CACUL1: variants seen among roughly 807,000 people sequenced by gnomAD.
CACUL1 encodes the protein CDK2 associated cullin domain 1.
CACUL1 carries 13 observed loss-of-function variants against 45.2 expected under a neutral mutation model. The ratio of observed to expected loss-of-function variants is 0.29; its 90% CI spans 0.19 to 0.46. The LOEUF is 0.46. Ranked by LOEUF, CACUL1 falls within the 20% of genes least tolerant of loss-of-function variation. CACUL1 has a pLI of 1.00. For missense variants in CACUL1, 421 were observed against 471.4 expected (o/e 0.89, Z 0.99); for synonymous variants, 197 against 174.2 (o/e 1.13, Z -1.03).
chr10:118,713,293 A>T lies in CACUL1; in HGVS notation c.598-5706T>A, dbSNP rs1006090860. Among the ~76,000 whole-genome samples the T allele has an allele frequency of 8.5e-5, 13 of 152,258 alleles. No homozygotes were observed. The South Asian group carries it at 1.9e-3, about 22-fold the overall frequency. ...AGTAACAGACACTTCTGAGCCTTCG[A>T]GGGCAGGGGGTCCTTCCTGGGCCCC... On this transcript the variant is annotated intron_variant, in intron 3 of 8. Coordinates refer to ENST00000369151, the MANE Select transcript of CACUL1 (RefSeq NM_153810.5).
Position 118,754,640 on chromosome 10 carries a change from G to A in CACUL1, c.123C>T (p.Pro41=). 1.9e-6 allele frequency: 3 copies of A among 1,606,274 alleles called. No homozygotes were observed. The highest frequency in any genetic ancestry group is 2.5e-6 in the Non-Finnish European group (3 of 1,177,140). Residue 41 remains proline (P), a synonymous_variant, in exon 1 of 9, where the codon CCC becomes CCT. Coordinates refer to ENST00000369151, the MANE Select transcript of CACUL1 (RefSeq NM_153810.5). Reference sequence around the variant, plus strand: ...GGGCAGGGGCCGGGATCGACGAGGGGGGCGGCGGAGGTGGCAGGGGCTGCC... The same window carrying A: ...GGGCAGGGGCCGGGATCGACGAGGGAGGCGGCGGAGGTGGCAGGGGCTGCC... ...GFRQPLPPPP[P]PSSIPAPARE...
intron 4 of CACUL1, among the ~76,000 whole-genome samples, chr10:118,704,307 T>A (rs1845413023): frequency 6.6e-6 from 1 of 152,178 alleles, no homozygotes; most frequent in South Asian, 2.1e-4. Flanking sequence ...AACTTCTACA[T>A]TTACTTCAGC....
chr10:118,734,599 A>G (rs1845724270), intron 1 of CACUL1, among the ~76,000 whole-genome samples: 1 of 152,264 alleles, frequency 6.6e-6, no homozygotes, highest in African/African-American at 2.4e-5. Flanking sequence ...AATAACATAC[A>G]TAAGTAAAGC....
rs1589597845 is a variant in CACUL1, at chr10:118,679,421, A to T, written c.*6707T>A. 6.6e-6 allele frequency: 1 copy of T among 151,790 alleles called. No homozygotes were observed. The highest frequency in any genetic ancestry group is 2.4e-5 in the African/African-American group (1 of 41,250). 9.4% of individuals were successfully genotyped at this position (151,790 alleles called of 1,614,324 possible). On this transcript the variant is annotated 3_prime_UTR_variant, in exon 9 of 9. Transcript: ENST00000369151. ...TGTAGAGACAGGGTTTCACCATGTT[A>T]GCCAGGCTGGTCTCGAGCTCCTGGC... is the stretch of plus-strand genomic sequence containing the variant.
In CACUL1 at chr10:118,726,614, G is replaced by A. The variant is rs150383385; in HGVS notation, c.597+2681C>T. 2.1e-3 allele frequency among the ~76,000 whole-genome samples: 312 copies of A among 152,150 alleles called. 3 individuals carry two copies. The highest frequency in any genetic ancestry group is 6.6e-4 in the Non-Finnish European group (45 of 67,996). On this transcript the variant is annotated intron_variant, in intron 3 of 8. Transcript: ENST00000369151. The stretch of plus-strand genomic sequence containing the variant: ...AGTTCCAGGAAGGCTTTACACAGAT[G>A]GACACAAATGAGCTTAAGCCTAAGA...
intron 3 of CACUL1, among the ~76,000 whole-genome samples, chr10:118,717,497 G>A (rs1303325695): frequency 6.6e-6 from 1 of 152,098 alleles, no homozygotes; most frequent in Non-Finnish European, 1.5e-5. Flanking sequence ...GTAAGAAAAA[G>A]CTGGTTAACC....
At chr10:118,688,359 GAAAC>G (rs764213630) in intron 7 of CACUL1, among the ~76,000 whole-genome samples, 91 of 152,292 alleles carry the variant, frequency 6.0e-4, no homozygotes, top group Middle Eastern at 6.8e-3. Flanking sequence ...CAAATATTCT[GAAAC>G]AAACAAGTTA....
intron 3 of CACUL1, among the ~76,000 whole-genome samples, chr10:118,724,285 T>C (rs1564835396): frequency 1.3e-5 from 2 of 152,344 alleles, no homozygotes; most frequent in South Asian, 4.1e-4. Context: ...CCCCAGTAGA[T>C]AAATGGCTCA....
intron 1 of CACUL1, among the ~76,000 whole-genome samples, chr10:118,742,603 G>C (rs1056327378): frequency 6.6e-6 from 1 of 152,138 alleles, no homozygotes; most frequent in Non-Finnish European, 1.5e-5. Context: ...CAGTTTGGTG[G>C]AGTATGATCA....
At chr10:118,686,285 TAAAA>T in intron 8 of CACUL1, 117 bp from the exon 9 acceptor site, 1 of 878,216 alleles carries the variant, frequency 1.1e-6, no homozygotes, top group Non-Finnish European at 1.8e-6. Flanking sequence ...AAAAAAGGCT[TAAAA>T]AAAATCCTCA....
At chr10:118,744,703 T>C (rs1845825482) in intron 1 of CACUL1, among the ~76,000 whole-genome samples, 1 of 152,172 alleles carries the variant, frequency 6.6e-6, no homozygotes, top group Admixed American at 6.6e-5. Flanking sequence ...TCGCCCAGCT[T>C]GGAGTGCAAT....
chr10:118,680,467 A>G lies in CACUL1; in HGVS notation c.*5661T>C, dbSNP rs1194112865. 6.6e-6 allele frequency: 1 copy of G among 152,254 alleles called. No homozygotes were observed. Among genetic ancestry groups the G allele is most frequent in the Non-Finnish European group, 1.5e-5 (1 of 68,044 alleles). The allele number at this position is 152,254 out of a possible 1,614,324, so 9.4% of individuals were successfully genotyped here. On this transcript the variant is annotated 3_prime_UTR_variant, in exon 9 of 9. Transcript: ENST00000369151. ...AAGGGATGAGAACTGGCATTCTGACAATACTGTAGGAAAGGACACCTCTAC... is the reference window on the plus strand; with the variant it reads ...AAGGGATGAGAACTGGCATTCTGACGATACTGTAGGAAAGGACACCTCTAC...
At chr10:118,727,438 T>C (rs1845662296) in intron 3 of CACUL1, among the ~76,000 whole-genome samples, 1 of 150,424 alleles carries the variant, frequency 6.6e-6, no homozygotes, top group South Asian at 2.1e-4. Context: ...AGAAGAAATA[T>C]CACTCTGATT....
chr10:118,699,661 T>TC, intron 5 of CACUL1, among the ~76,000 whole-genome samples: 1 of 151,944 alleles, frequency 6.6e-6, no homozygotes, highest in East Asian at 1.9e-4. Context: ...TTTTTTTTTT[T>TC]GAGACAGGAG....
At chr10:118,736,347 G>A (rs1170332316) in intron 1 of CACUL1, among the ~76,000 whole-genome samples, 4 of 152,006 alleles carry the variant, frequency 2.6e-5, no homozygotes, top group Admixed American at 2.6e-4. Context: ...AGTTTATAAA[G>A]TAAAAAAGTT....
chr10:118,680,263 A>G lies in CACUL1; in HGVS notation c.*5865T>C, dbSNP rs1287594105. ...ACACACACACAGAGCTGGTTCTAGT[A>G]GAAAAGGTTTGTACTTAGTAAAAAA... On this transcript the variant is annotated 3_prime_UTR_variant, in exon 9 of 9. Coordinates refer to ENST00000369151, the MANE Select transcript of CACUL1 (RefSeq NM_153810.5). The G allele has an allele frequency of 6.6e-6, 1 of 152,212 alleles. No homozygotes were observed. Among genetic ancestry groups the G allele is most frequent in the Admixed American group, 6.5e-5 (1 of 15,286 alleles). 9.4% of individuals were successfully genotyped at this position (152,212 alleles called of 1,614,324 possible). A position where few individuals can be genotyped will look rare whatever the true frequency, so the allele number is the denominator to read the frequency against.
At chr10:118,718,428 GT>G (rs542239612) in intron 3 of CACUL1, among the ~76,000 whole-genome samples, 1,714 of 152,256 alleles carry the variant, frequency 0.011, 18 homozygotes, top group Middle Eastern at 0.027. Flanking sequence ...TCTACACCCT[GT>G]TTTGATTAAG....
At chr10:118,711,008 T>C (rs560077863) in intron 3 of CACUL1, among the ~76,000 whole-genome samples, 24 of 152,310 alleles carry the variant, frequency 1.6e-4, no homozygotes, top group African/African-American at 2.2e-4. Context: ...GTATTACACA[T>C]GTATATGCAA....
At chr10:118,693,996 C>G (rs926648837) in intron 6 of CACUL1, among the ~76,000 whole-genome samples, 1 of 152,148 alleles carries the variant, frequency 6.6e-6, no homozygotes, top group Non-Finnish European at 1.5e-5. Context: ...CAGGAAGTAG[C>G]TGGGACTACA....
Sources: allele counts gnomAD v4.1 joint callset (sites outside exome capture counted in the v4.1 genomes callset), GRCh38; gene constraint gnomAD v4.1.1; transcripts MANE v1.5; gene names NCBI Gene and HGNC (gene_info 2026-07-23, HGNC 2026-07-21).